MYO5B: variants seen among roughly 807,000 people sequenced by gnomAD.
MYO5B encodes myosin VB.
In MYO5B, 143 loss-of-function variants were observed where a neutral mutation model predicts 229.3. The observed-to-expected ratio is 0.62, with a 90% CI of 0.54 to 0.72. The LOEUF (loss-of-function observed/expected upper bound fraction) is 0.72. Ranked by LOEUF, MYO5B falls within the 30% of genes least tolerant of loss-of-function variation. MYO5B has a pLI of 0.00. For missense variants in MYO5B, 2,321 were observed against 2,331.0 expected (o/e 1.00, Z 0.09); for synonymous variants, 918 against 885.2 (o/e 1.04, Z -0.66).
chr18:50,162,677 G>A (rs1210997185), intron 1 of MYO5B, among the ~76,000 whole-genome samples: 1 of 152,202 alleles, frequency 6.6e-6, no homozygotes. Flanking sequence ...TCTTCACAGT[G>A]CTGGCACTGA....
chr18:49,964,451 G>A (rs571961621), intron 10 of MYO5B, among the ~76,000 whole-genome samples: 10 of 152,266 alleles, frequency 6.6e-5, no homozygotes, highest in Non-Finnish European at 1.5e-4. Flanking sequence ...TGCAAACACA[G>A]ATGGAGGACA....
intron 1 of MYO5B, among the ~76,000 whole-genome samples, chr18:50,104,815 C>A (rs1399632813): frequency 1.3e-5 from 2 of 152,180 alleles, no homozygotes; most frequent in African/African-American, 4.8e-5. Context: ...GCATCTGCCC[C>A]TTATTAACCT....
intron 21 of MYO5B, among the ~76,000 whole-genome samples, chr18:49,902,093 C>A (rs771481142): frequency 5.9e-5 from 9 of 152,228 alleles, no homozygotes; most frequent in African/African-American, 1.9e-4. Flanking sequence ...CTCAAGATAG[C>A]ATAAATCATT....
chr18:49,902,670 G>A lies in MYO5B; in HGVS notation c.2735C>T (p.Ser912Leu). The change falls in exon 21 of 40, where the codon TCA becomes TTA. Residue 912 changes from serine to leucine, a missense_variant. Physicochemically the swap from Ser to Leu is moderately radical, Grantham distance 145. This residue lies in a region of MYO5B where 2,113 missense variants were observed against 2,044.7 expected (regional missense o/e 1.03). Transcript: ENST00000285039. Reference protein sequence around the residue: ...ELKALRIEARSAEHLKRLNVG... With the variant: ...ELKALRIEARLAEHLKRLNVG... ...GTTGAGACGTTTCAGATGCTCTGCT[G>A]AGCGGGCCTCAATCCTGAGGGCCTT... 6.2e-7 allele frequency: 1 copy of A among 1,613,162 alleles called. No homozygotes were observed. The highest frequency in any genetic ancestry group is 8.5e-7 in the Non-Finnish European group (1 of 1,180,022).
chr18:50,074,941 C>T (rs2031044168), intron 1 of MYO5B, among the ~76,000 whole-genome samples: 1 of 152,022 alleles, frequency 6.6e-6, no homozygotes, highest in Admixed American at 6.5e-5. Context: ...CTGCCTCAGC[C>T]TCCCGAGTAT....
rs913012642 is a variant in MYO5B at position 49,947,384 on chromosome 18, C to T, written c.1752+5876G>A. Reference sequence around the variant, plus strand: ...CCTCCCGAAGTGCTGGGATTACAGGCGTGAGCCACCGCACCCAGCCGTAGT... The same window carrying T: ...CCTCCCGAAGTGCTGGGATTACAGGTGTGAGCCACCGCACCCAGCCGTAGT... On this transcript the variant is annotated intron_variant, in intron 14 of 39. Transcript: ENST00000285039. 7.2e-5 allele frequency among the ~76,000 whole-genome samples: 11 copies of T among 152,040 alleles called. No homozygotes were observed. In the South Asian group the frequency reaches 2.1e-3, roughly 29 times the overall value.
chr18:49,997,267 T>TAAAAAA lies in MYO5B; in HGVS notation c.612+3982_612+3987dup, dbSNP rs58927375. The stretch of plus-strand genomic sequence containing the variant: ...GGGTGACAAAGCAAGGTCCTGTCTT[T>TAAAAAA]AAAAAAAAAAAAAAAAAAAAAAAAA... On this transcript the variant is annotated intron_variant, in intron 5 of 39. Transcript: ENST00000285039. 1.2e-4 allele frequency among the ~76,000 whole-genome samples: 12 copies of TAAAAAA among 101,192 alleles called. 1 individual carries two copies. The highest frequency in any genetic ancestry group is 1.6e-4 in the Non-Finnish European group (9 of 54,592). The allele number at this position is 101,192 out of a possible 152,430, so 66.4% of individuals were successfully genotyped here. A position where few individuals can be genotyped will look rare whatever the true frequency, so the allele number is the denominator to read the frequency against.
At chr18:49,922,220 A>G (rs1292902044) in intron 17 of MYO5B, among the ~76,000 whole-genome samples, 2 of 152,248 alleles carry the variant, frequency 1.3e-5, no homozygotes, top group African/African-American at 2.4e-5. Context: ...GGCAGACAGT[A>G]TCCACTAAAC....
At chr18:49,993,826 C>T (rs1411276111) in intron 5 of MYO5B, among the ~76,000 whole-genome samples, 4 of 152,130 alleles carry the variant, frequency 2.6e-5, no homozygotes, top group Non-Finnish European at 5.9e-5. Flanking sequence ...AGAATGTAAA[C>T]CTATTATACT....
At chr18:49,869,327 T>C (rs1015396916) in intron 27 of MYO5B, among the ~76,000 whole-genome samples, 7 of 152,190 alleles carry the variant, frequency 4.6e-5, no homozygotes, top group African/African-American at 1.4e-4. Context: ...CTGGGCCTGG[T>C]TGAGAAGCAC....
chr18:50,070,598 T>C (rs1260591410), intron 1 of MYO5B, among the ~76,000 whole-genome samples: 1 of 151,998 alleles, frequency 6.6e-6, no homozygotes, highest in Non-Finnish European at 1.5e-5. Flanking sequence ...CTAGTCCAAA[T>C]ACCATTAATG....
chr18:49,998,131 G>T (rs538692194), intron 5 of MYO5B, among the ~76,000 whole-genome samples: 1 of 152,128 alleles, frequency 6.6e-6, no homozygotes, highest in East Asian at 1.9e-4. Flanking sequence ...TCTACTCAGG[G>T]TTCTTCCTGG....
At chr18:50,192,986 A>G (rs2033248959) in intron 1 of MYO5B, among the ~76,000 whole-genome samples, 1 of 152,182 alleles carries the variant, frequency 6.6e-6, no homozygotes, top group South Asian at 2.1e-4. Flanking sequence ...ACTTTGACAC[A>G]TTGTAGGTAT....
At chr18:49,965,361 G>A (rs2025611057) in intron 10 of MYO5B, among the ~76,000 whole-genome samples, 1 of 152,134 alleles carries the variant, frequency 6.6e-6, no homozygotes, top group South Asian at 2.1e-4. Flanking sequence ...ATCAGGCTGA[G>A]GGGTGAGAAG....
At chr18:49,883,245 A>G (rs186545462) in intron 22 of MYO5B, among the ~76,000 whole-genome samples, 76 of 152,382 alleles carry the variant, frequency 5.0e-4, no homozygotes, top group African/African-American at 1.8e-3. Flanking sequence ...ACAATCTTGT[A>G]TACAGAAAAT....
intron 1 of MYO5B, among the ~76,000 whole-genome samples, chr18:50,132,975 A>C (rs1380850948): frequency 6.6e-6 from 1 of 152,164 alleles, no homozygotes; most frequent in African/African-American, 2.4e-5. Context: ...GGGAGGGGGA[A>C]ATTTTTTTCT....
At chr18:50,065,718 T>G (rs1421018741) in intron 1 of MYO5B, among the ~76,000 whole-genome samples, 1 of 152,136 alleles carries the variant, frequency 6.6e-6, no homozygotes, top group Non-Finnish European at 1.5e-5. Flanking sequence ...GCTAATCTCC[T>G]GCAATGGTCA....
At chr18:50,120,221 C>T (rs2032035257) in intron 1 of MYO5B, among the ~76,000 whole-genome samples, 1 of 152,200 alleles carries the variant, frequency 6.6e-6, no homozygotes, top group Admixed American at 6.5e-5. Flanking sequence ...AGCTTCACAA[C>T]CTTCACAGTG....
intron 1 of MYO5B, among the ~76,000 whole-genome samples, chr18:50,170,826 A>G (rs2032910926): frequency 7.8e-6 from 1 of 128,520 alleles, no homozygotes; most frequent in Non-Finnish European, 1.7e-5. Flanking sequence ...ATTATGAATG[A>G]CTAGAACAAG....
Sources: gnomAD v4.1 joint callset for allele counts (sites outside exome capture counted in the v4.1 genomes callset) on GRCh38, gnomAD v4.1.1 for gene constraint, gnomAD v4.1.1 regional missense constraint, MANE v1.5 for transcripts, NCBI Gene and HGNC (gene_info 2026-07-23, HGNC 2026-07-21) for gene names.